ZNF503: variants seen among roughly 807,000 people sequenced by gnomAD.
ZNF503 encodes the protein zinc finger protein 503.
Under a neutral mutation model 34.4 loss-of-function variants are expected in ZNF503, and 15 were observed. That is an observed-to-expected ratio of 0.44 (90% CI 0.29 to 0.67). The LOEUF (loss-of-function observed/expected upper bound fraction) is 0.67, where lower values mean the gene tolerates loss of function less well. Ranked by LOEUF, ZNF503 falls within the 30% of genes least tolerant of loss-of-function variation. The pLI is 0.13. For synonymous variants in ZNF503, 580 were observed against 456.8 expected (o/e 1.27, Z -3.44); for missense variants, 1,007 against 926.8 (o/e 1.09, Z -1.12).
At chr10:75,349,047 A>G in the ZNF503 span, among the ~76,000 whole-genome samples, 1 of 152,080 alleles carries the variant, frequency 6.6e-6, no homozygotes, top group African/African-American at 2.4e-5. Context: ...ACTTGTAGAC[A>G]TTATGACACC....
At chr10:75,295,155 C>T in the ZNF503 span, among the ~76,000 whole-genome samples, 4 of 151,798 alleles carry the variant, frequency 2.6e-5, no homozygotes, top group East Asian at 7.8e-4. This position sits in a 1 kb window ranked among gnomAD's most constrained non-coding sequence, Gnocchi z 4.0. Flanking sequence ...TCCTGTCACG[C>T]CGGGCCCGCG....
chr10:75,348,653 A>C, the ZNF503 span, among the ~76,000 whole-genome samples: 1 of 151,408 alleles, frequency 6.6e-6, no homozygotes, highest in Non-Finnish European at 1.5e-5. Flanking sequence ...CTGGGACTAC[A>C]GGTGCCTGCC....
chr10:75,371,579 C>T, the ZNF503 span, among the ~76,000 whole-genome samples: 1 of 152,208 alleles, frequency 6.6e-6, no homozygotes, highest in Non-Finnish European at 1.5e-5. Flanking sequence ...AGACTGACTT[C>T]TTTCTCGGGT....
the ZNF503 span, among the ~76,000 whole-genome samples, chr10:75,340,386 T>C: frequency 9.9e-5 from 15 of 152,236 alleles, no homozygotes; most frequent in Non-Finnish European, 1.8e-4. Context: ...TCATATACTT[T>C]ATCCCAGCAA....
the ZNF503 span, among the ~76,000 whole-genome samples, chr10:75,305,583 A>G: frequency 6.6e-6 from 1 of 152,144 alleles, no homozygotes; most frequent in African/African-American, 2.4e-5. Context: ...TTAAGTATTC[A>G]TATTGTTATA....
At chr10:75,379,913 A>G in the ZNF503 span, among the ~76,000 whole-genome samples, 3 of 152,164 alleles carry the variant, frequency 2.0e-5, no homozygotes, top group Admixed American at 6.5e-5. Flanking sequence ...GGTCCTCATC[A>G]CGTGCTTCTT....
the ZNF503 span, among the ~76,000 whole-genome samples, chr10:75,300,595 T>C: frequency 1.3e-5 from 2 of 152,144 alleles, no homozygotes; most frequent in East Asian, 1.9e-4. Flanking sequence ...AACTAATAAA[T>C]GTCCATGAAA....
chr10:75,316,970 C>T, the ZNF503 span, among the ~76,000 whole-genome samples: 1 of 152,168 alleles, frequency 6.6e-6, no homozygotes, highest in African/African-American at 2.4e-5. Context: ...GAGACAGGGT[C>T]TTGCTCTGTC....
At chr10:75,359,722 C>T in the ZNF503 span, among the ~76,000 whole-genome samples, 1 of 152,206 alleles carries the variant, frequency 6.6e-6, no homozygotes, top group African/African-American at 2.4e-5. Context: ...GTGATCATTT[C>T]AGCCATGGGC....
the ZNF503 span, among the ~76,000 whole-genome samples, chr10:75,285,446 C>G: frequency 6.6e-6 from 1 of 152,198 alleles, no homozygotes; most frequent in African/African-American, 2.4e-5. Context: ...CTCTTCTGCT[C>G]TCAGCATCCC....
chr10:75,288,131 G>A, the ZNF503 span, among the ~76,000 whole-genome samples: 1 of 152,260 alleles, frequency 6.6e-6, no homozygotes, highest in Non-Finnish European at 1.5e-5. Context: ...GCCCTGTCGG[G>A]ATTTGTCTCA....
chr10:75,339,267 TC>T, the ZNF503 span, among the ~76,000 whole-genome samples: 12 of 152,270 alleles, frequency 7.9e-5, no homozygotes, highest in African/African-American at 2.9e-4. Context: ...ATCTCCTCCC[TC>T]TAAAAAATCT....
Position 75,399,532 on chromosome 10 carries a change from C to A in ZNF503, c.1158G>T (p.Pro386=). ...PHGVALDPTK[P]GSLVGAQLAA... is the part of the protein sequence containing the mutation. The stretch of plus-strand genomic sequence containing the variant: ...CCAGCTGCGCCCCCACCAGGCTGCC[C>A]GGCTTGGTGGGGTCAAGTGCCACGC... The change falls in exon 2 of 2, where the codon CCG becomes CCT. Residue 386 remains proline, a synonymous_variant. Coordinates refer to ENST00000372524, the MANE Select transcript of ZNF503 (RefSeq NM_032772.6). 1 of 1,588,192 alleles carries A rather than the reference C, an allele frequency of 6.3e-7. No homozygotes were observed. Among genetic ancestry groups the A allele is most frequent in the East Asian group, 2.2e-5 (1 of 44,508 alleles).
At chr10:75,329,434 C>CCTTT in the ZNF503 span, among the ~76,000 whole-genome samples, 445 of 87,418 alleles carry the variant, frequency 5.1e-3, 3 homozygotes, top group East Asian at 0.023. Flanking sequence ...TTCCTTCCTT[C>CCTTT]CTTTCTTTCT....
chr10:75,308,690 T>C, the ZNF503 span, among the ~76,000 whole-genome samples: 2,948 of 152,218 alleles, frequency 0.019, 90 homozygotes, highest in African/African-American at 0.068. Context: ...ATAAATGACT[T>C]TGAGGTTGTC....
the ZNF503 span, among the ~76,000 whole-genome samples, chr10:75,368,682 G>A: frequency 6.6e-6 from 1 of 152,178 alleles, no homozygotes; most frequent in African/African-American, 2.4e-5. Flanking sequence ...TTAAGGCAGG[G>A]GTAAGGCTCA....
At chr10:75,347,181 A>AT in the ZNF503 span, among the ~76,000 whole-genome samples, 2 of 152,382 alleles carry the variant, frequency 1.3e-5, 1 homozygote, top group South Asian at 4.1e-4. Context: ...AATTGCTATC[A>AT]TGCCTGTTAA....
chr10:75,317,258 C>T, the ZNF503 span, among the ~76,000 whole-genome samples: 2 of 147,786 alleles, frequency 1.4e-5, no homozygotes, highest in Admixed American at 1.4e-4. Context: ...CCCACACATC[C>T]CACGTCTTTT....
At position 75,399,847 on chromosome 10, in the gene ZNF503, G is replaced by T. The variant is rs748220466; in HGVS notation, c.843C>A (p.His281Gln). 15 of 1,604,274 alleles carry T rather than the reference G, an allele frequency of 9.4e-6. No homozygotes were observed. In the South Asian group the frequency reaches 1.2e-4, roughly 13 times the overall value. ...TCCCGCCGCCGCAGCTAATCCGGCC[G>T]TGTGCCAGCCCCGTGGGTCCCCCTT... is the stretch of plus-strand genomic sequence containing the variant. ...SAEGGPTGLA[H>Q]GRISCGGGIN... Residue 281 changes from histidine to glutamine, a missense_variant, in exon 2 of 2, where the codon CAC becomes CAA. Physicochemically the swap from His to Gln is conservative, Grantham distance 24 (BLOSUM62 0). Coordinates refer to ENST00000372524, the MANE Select transcript of ZNF503 (RefSeq NM_032772.6).
Sources: gnomAD v4.1 joint callset for allele counts (sites outside exome capture counted in the v4.1 genomes callset) on GRCh38, gnomAD v4.1.1 for gene constraint, Gnocchi (gnomAD v3.1) non-coding constraint, MANE v1.5 for transcripts, NCBI Gene and HGNC (gene_info 2026-07-23, HGNC 2026-07-21) for gene names.